NHSL1: variants seen among roughly 807,000 people sequenced by gnomAD.
The protein encoded by NHSL1 is NHS-like protein 1.
Under a neutral mutation model 95.0 loss-of-function variants are expected in NHSL1, and 48 were observed. That is an observed-to-expected ratio of 0.51 (90% CI 0.40 to 0.64). NHSL1 has a LOEUF of 0.64. Ranked by LOEUF, NHSL1 falls within the 30% of genes least tolerant of loss-of-function variation. The pLI is 0.00. For synonymous variants in NHSL1, 783 were observed against 833.9 expected (o/e 0.94, Z 1.05); for missense variants, 1,971 against 2,077.7 (o/e 0.95, Z 1.00).
chr6:138,535,950 T>G (rs1254372115), intron 1 of NHSL1, among the ~76,000 whole-genome samples: 1 of 152,158 alleles, frequency 6.6e-6, no homozygotes, highest in East Asian at 1.9e-4. Context: ...ATTTTAGACA[T>G]GACACTGAGC....
chr6:138,499,235 T>C lies in NHSL1; in HGVS notation c.56A>G (p.Lys19Arg), dbSNP rs1156460330. ...TAGAGAGAAAAGGAACTACTTACTTTTCTTCTTAAAAAGTTTAATTAAAGA... is the reference window on the plus strand; with the variant it reads ...TAGAGAGAAAAGGAACTACTTACTTCTCTTCTTAAAAAGTTTAATTAAAGA... ...IKSLIKLFKK[K>R]TVSNLDEESR... The change falls in exon 1 of 8, where the codon AAA becomes AGA. Residue 19 changes from lysine to arginine, a missense_variant and splice_region_variant. Lys to Arg is a conservative substitution (Grantham distance 26). Transcript: ENST00000343505. 1 of 1,545,068 alleles carries C rather than the reference T, an allele frequency of 6.5e-7. No homozygotes were observed. Among genetic ancestry groups the C allele is most frequent in the Admixed American group, 2.0e-5 (1 of 50,960 alleles).
intron 2 of NHSL1, among the ~76,000 whole-genome samples, chr6:138,481,764 A>C (rs1779428130): frequency 6.6e-6 from 1 of 152,200 alleles, no homozygotes; most frequent in Non-Finnish European, 1.5e-5. Flanking sequence ...CTATACAGGA[A>C]TATGTATAAC....
intron 1 of NHSL1, among the ~76,000 whole-genome samples, chr6:138,618,365 A>C: frequency 6.6e-6 from 1 of 152,208 alleles, no homozygotes; most frequent in Non-Finnish European, 1.5e-5. Context: ...CTGATTTAAA[A>C]CCACTGTTTT....
chr6:138,664,887 G>A (rs1017253424), intron 1 of NHSL1, among the ~76,000 whole-genome samples: 1 of 152,216 alleles, frequency 6.6e-6, no homozygotes, highest in African/African-American at 2.4e-5. Context: ...TGGGGTCAGG[G>A]TGTGGGGAAA....
rs111480122 is a variant in NHSL1 at position 138,578,148 on chromosome 6, T to C, written c.97-81777A>G. Among the ~76,000 whole-genome samples the C allele has an allele frequency of 9.4e-3, 1,436 of 152,352 alleles. 12 individuals carry two copies. The highest frequency in any genetic ancestry group is 0.014 in the Non-Finnish European group (971 of 68,034). On this transcript the variant is annotated intron_variant, in intron 1 of 3. Transcript: ENST00000491526. ...AGTGCCTTCAACGGAATTAATAGTG[T>C]TGTTCCCCTCAAAGGGAAAGACTCA... is the stretch of plus-strand genomic sequence containing the variant.
intron 1 of NHSL1, chr6:138,545,567 T>C: frequency 1.7e-6 from 2 of 1,206,960 alleles, no homozygotes; most frequent in South Asian, 1.3e-5. Flanking sequence ...TGATGCTAAA[T>C]GACAATCTTC....
At chr6:138,606,899 T>G (rs1423093322) in intron 1 of NHSL1, among the ~76,000 whole-genome samples, 1 of 151,898 alleles carries the variant, frequency 6.6e-6, no homozygotes, top group Non-Finnish European at 1.5e-5. Flanking sequence ...GAGACGGGGT[T>G]TCACCATGTT....
At chr6:138,584,671 C>A (rs1272370347) in intron 1 of NHSL1, among the ~76,000 whole-genome samples, 1 of 152,152 alleles carries the variant, frequency 6.6e-6, no homozygotes, top group African/African-American at 2.4e-5. Flanking sequence ...TTCCCCAGGA[C>A]CAAAACTGGG....
Position 138,432,269 on chromosome 6 carries a change from G to T in NHSL1, c.2076C>A (p.Asn692Lys), listed in dbSNP as rs1006699956. 7 of 1,550,994 alleles carry T rather than the reference G, an allele frequency of 4.5e-6. No homozygotes were observed. Among genetic ancestry groups the T allele is most frequent in the Non-Finnish European group, 5.2e-6 (6 of 1,146,704 alleles). Residue 692 changes from asparagine (N) to lysine (K), a missense_variant, in exon 6 of 8, where the codon AAC becomes AAA. Coordinates refer to ENST00000343505, the MANE Select transcript of NHSL1 (RefSeq NM_001144060.2). This position sits in a 1 kb window ranked among gnomAD's most constrained non-coding sequence, Gnocchi z 4.4. ...RRIPKKSSQC[N>K]GQVLNESLIA... ...TCAGGCTCTCGTTGAGCACCTGCCCGTTGCACTGGCTGCTCTTCTTGGGAA... is the reference window on the plus strand; with the variant it reads ...TCAGGCTCTCGTTGAGCACCTGCCCTTTGCACTGGCTGCTCTTCTTGGGAA...
At chr6:138,586,831 C>A (rs1368723306) in intron 1 of NHSL1, among the ~76,000 whole-genome samples, 1 of 152,172 alleles carries the variant, frequency 6.6e-6, no homozygotes, top group Non-Finnish European at 1.5e-5. Flanking sequence ...CAAAAACAAA[C>A]CACACAGGAT....
intron 2 of NHSL1, among the ~76,000 whole-genome samples, chr6:138,493,928 A>G (rs1234597999): frequency 2.0e-5 from 3 of 152,244 alleles, no homozygotes; most frequent in Non-Finnish European, 4.4e-5. Flanking sequence ...TGAAGTCACT[A>G]AAGACAGAGG....
chr6:138,619,419 C>T (rs1433218732), intron 1 of NHSL1, among the ~76,000 whole-genome samples: 1 of 152,194 alleles, frequency 6.6e-6, no homozygotes, highest in Non-Finnish European at 1.5e-5. Context: ...GCACATAATC[C>T]TTAATGTGCT....
intron 1 of NHSL1, among the ~76,000 whole-genome samples, chr6:138,666,608 AAAAG>A (rs1433088797): frequency 5.3e-5 from 8 of 151,854 alleles, no homozygotes; most frequent in Admixed American, 2.0e-4. Flanking sequence ...AAAAAAAAAA[AAAAG>A]AAGATGTGAC....
chr6:138,612,616 G>T (rs1487753844), intron 1 of NHSL1, among the ~76,000 whole-genome samples: 1 of 152,126 alleles, frequency 6.6e-6, no homozygotes, highest in Non-Finnish European at 1.5e-5. Context: ...GGAGGGGGTT[G>T]GTCAAGAAGA....
At position 138,441,460 on chromosome 6, in the gene NHSL1, T is replaced by C. The variant is rs181676325; in HGVS notation, c.664+523A>G. Among the ~76,000 whole-genome samples, 21 of 152,336 alleles carry C rather than the reference T, an allele frequency of 1.4e-4. No individual in the cohort carries two copies. The East Asian group carries it at 3.1e-3, about 22-fold the overall frequency. On this transcript the variant is annotated intron_variant, in intron 5 of 7. Transcript: ENST00000343505. ...TAAGGATAAAGAAGCTATGAAATTGTTTCACTGAAAGTAATAAAGGCACCA... is the reference window on the plus strand; with the variant it reads ...TAAGGATAAAGAAGCTATGAAATTGCTTCACTGAAAGTAATAAAGGCACCA...
intron 1 of NHSL1, among the ~76,000 whole-genome samples, chr6:138,621,831 T>C (rs192057468): frequency 8.5e-5 from 13 of 152,326 alleles, no homozygotes; most frequent in South Asian, 4.1e-4. Flanking sequence ...ACAATCCCAC[T>C]GTCACTGTCA....
At chr6:138,578,974 A>T (rs1287134305) in intron 1 of NHSL1, among the ~76,000 whole-genome samples, 1 of 152,178 alleles carries the variant, frequency 6.6e-6, no homozygotes, top group Admixed American at 6.5e-5. Flanking sequence ...TTTTCCATGG[A>T]CAGCAGGGTA....
At chr6:138,670,090 C>T (rs1785344723) in intron 1 of NHSL1, among the ~76,000 whole-genome samples, 1 of 152,002 alleles carries the variant, frequency 6.6e-6, no homozygotes, top group African/African-American at 2.4e-5. Context: ...CACTGCACTC[C>T]AGCCTGGGTG....
intron 1 of NHSL1, among the ~76,000 whole-genome samples, chr6:138,565,528 T>C (rs1448123160): frequency 6.6e-6 from 1 of 152,098 alleles, no homozygotes; most frequent in East Asian, 1.9e-4. Flanking sequence ...AAGTAAGAGC[T>C]GATGAGGGCC....
Sources: allele counts gnomAD v4.1 joint callset (sites outside exome capture counted in the v4.1 genomes callset), GRCh38; gene constraint gnomAD v4.1.1; non-coding constraint Gnocchi (gnomAD v3.1); transcripts MANE v1.5; gene names NCBI Gene and HGNC (gene_info 2026-07-23, HGNC 2026-07-21).